EPHA10: variants seen among roughly 807,000 people sequenced by gnomAD.
EPHA10 encodes the protein EPH receptor A10, also known as ephrin type-A receptor 10.
EPHA10 carries 120 observed loss-of-function variants against 109.7 expected under a neutral mutation model. The observed-to-expected ratio is 1.09, with a 90% confidence interval of 0.94 to 1.27. The LOEUF is 1.27. Among genes scored for constraint, EPHA10 ranks in the 50% most tolerant of loss-of-function variants. EPHA10 has a pLI of 0.00. For missense variants in EPHA10, 1,396 were observed against 1,411.1 expected (o/e 0.99, Z 0.17); for synonymous variants, 640 against 618.9 (o/e 1.03, Z -0.51).
chr1:37,738,696 T>A (rs1305591915), intron 5 of EPHA10, among the ~76,000 whole-genome samples: 1 of 152,218 alleles, frequency 6.6e-6, no homozygotes, highest in Non-Finnish European at 1.5e-5. Context: ...GAAGAGATAC[T>A]GCTCACCCAT....
chr1:37,723,361 T>C lies in EPHA10; in HGVS notation c.1784A>G (p.Tyr595Cys). The change falls in exon 9 of 17, where the codon TAT becomes TGT. Residue 595 changes from tyrosine to cysteine, a missense_variant. By Grantham distance (194) the Tyr-to-Cys change is radical. Coordinates refer to ENST00000373048, the MANE Select transcript of EPHA10 (RefSeq NM_001099439.2). ...VLAIWRRPCS[Y>C]GKGGGDAHDE... is the part of the protein sequence containing the mutation. Reference sequence around the variant, plus strand: ...ATGGGCATCCCCTCCTCCTTTGCCATAGCTGCAGGGCCTGGCAGGGAGTTC... The same window carrying C: ...ATGGGCATCCCCTCCTCCTTTGCCACAGCTGCAGGGCCTGGCAGGGAGTTC... 4.3e-6 allele frequency: 7 copies of C among 1,614,170 alleles called. No homozygotes were observed. Among genetic ancestry groups the C allele is most frequent in the Non-Finnish European group, 5.9e-6 (7 of 1,180,012 alleles).
At chr1:37,747,690 C>T (rs1402898207) in intron 5 of EPHA10, among the ~76,000 whole-genome samples, 3 of 151,966 alleles carry the variant, frequency 2.0e-5, no homozygotes, top group African/African-American at 7.3e-5. Flanking sequence ...ATCACTGGAA[C>T]CTGGGAGCCA....
chr1:37,728,610 GAGT>G (rs1224926351), intron 7 of EPHA10, among the ~76,000 whole-genome samples: 1 of 152,168 alleles, frequency 6.6e-6, no homozygotes, highest in Non-Finnish European at 1.5e-5. Context: ...CAGAGTTGGG[GAGT>G]ATTTCTGATG....
At position 37,752,759 on chromosome 1, in the gene EPHA10, G is replaced by C. The variant is rs571090782; in HGVS notation, c.1357+117C>G. On this transcript the variant is annotated intron_variant, in intron 5 of 16. Coordinates refer to ENST00000373048, the MANE Select transcript of EPHA10 (RefSeq NM_001099439.2). Reference sequence around the variant, plus strand: ...GAGAGGGGCGGGGTGCGTGTACAGAGGATGGCTTCTCTGGGGTGGGTGGGT... The same window carrying C: ...GAGAGGGGCGGGGTGCGTGTACAGACGATGGCTTCTCTGGGGTGGGTGGGT... 9.8e-6 allele frequency: 6 copies of C among 614,714 alleles called. No individual in the cohort carries two copies. In the African/African-American group the frequency reaches 1.1e-4, roughly 11 times the overall value. 38.1% of individuals were successfully genotyped at this position (614,714 alleles called of 1,614,324 possible).
At chr1:37,726,888 C>A (rs1419023213) in intron 8 of EPHA10, among the ~76,000 whole-genome samples, 6 of 152,358 alleles carry the variant, frequency 3.9e-5, no homozygotes, top group Non-Finnish European at 8.8e-5. Context: ...CCCCTTCATC[C>A]CAGAGCAGCT....
intron 6 of EPHA10, 50 bp from the exon 7 acceptor site, chr1:37,731,632 T>C (rs1169204768): frequency 6.5e-7 from 1 of 1,532,674 alleles, no homozygotes; most frequent in Non-Finnish European, 8.8e-7. Flanking sequence ...TCCACTGTTC[T>C]AGGAGAACAA....
intron 5 of EPHA10, among the ~76,000 whole-genome samples, chr1:37,745,805 G>A (rs1230440296): frequency 2.6e-5 from 4 of 152,110 alleles, no homozygotes; most frequent in Admixed American, 1.3e-4. Flanking sequence ...AGCTGAGATC[G>A]CACCACTGCA....
At chr1:37,728,081 G>A (rs1645924069) in intron 7 of EPHA10, among the ~76,000 whole-genome samples, 1 of 152,206 alleles carries the variant, frequency 6.6e-6, no homozygotes. Flanking sequence ...AATGAGGAAG[G>A]CTTCACAAAA....
chr1:37,751,871 C>CAAA (rs150137057), intron 5 of EPHA10, among the ~76,000 whole-genome samples: 2 of 127,600 alleles, frequency 1.6e-5, no homozygotes, highest in African/African-American at 5.9e-5. Context: ...GACTCTGTCT[C>CAAA]AAAAAAAAAA....
rs779046797 is a variant in EPHA10, at chr1:37,762,774, T to C, written c.171+11A>G. 1.4e-5 allele frequency: 22 copies of C among 1,550,334 alleles called. No individual in the cohort carries two copies. The African/African-American group carries it at 2.7e-4, about 19-fold the overall frequency. ...GATCCCTGGGACAGGGAGGGACACT[T>C]GTGCACTTACCCCATTACTTGGCAG... On this transcript the variant is annotated intron_variant, in intron 2 of 16. Transcript: ENST00000373048.
At chr1:37,738,102 T>C (rs948551558) in intron 5 of EPHA10, 3 of 152,104 alleles carry the variant, frequency 2.0e-5, no homozygotes, top group African/African-American at 4.8e-5. Flanking sequence ...GCGCGGTGGC[T>C]CTTGCCTGTA....
At chr1:37,752,076 C>T (rs1047496404) in intron 5 of EPHA10, among the ~76,000 whole-genome samples, 8 of 152,132 alleles carry the variant, frequency 5.3e-5, no homozygotes, top group Admixed American at 3.9e-4. Context: ...CAGGCCGACC[C>T]TATAGGCTCG....
intron 6 of EPHA10, among the ~76,000 whole-genome samples, chr1:37,733,103 G>A (rs905973661): frequency 1.4e-4 from 21 of 151,394 alleles, no homozygotes; most frequent in Non-Finnish European, 3.1e-4. Context: ...ATGTTAGCCA[G>A]GCTGGTCTCG....
At position 37,761,257 on chromosome 1, in the gene EPHA10, A is replaced by C. The variant is rs115328945; in HGVS notation, c.850+148T>G. Reference sequence around the variant, plus strand: ...CTGGACTCACTGGAAACTCCACAAGACTTCAGGGCTCTCCTTGGGCTCCAG... The same window carrying C: ...CTGGACTCACTGGAAACTCCACAAGCCTTCAGGGCTCTCCTTGGGCTCCAG... On this transcript the variant is annotated intron_variant, in intron 3 of 16. Transcript: ENST00000373048. 131 of 1,503,310 alleles carry C rather than the reference A, an allele frequency of 8.7e-5. No individual in the cohort carries two copies. In the African/African-American group the frequency reaches 1.8e-3, roughly 21 times the overall value. 93.1% of individuals were successfully genotyped at this position (1,503,310 alleles called of 1,614,324 possible).
intron 3 of EPHA10, among the ~76,000 whole-genome samples, chr1:37,755,637 T>G (rs1646387501): frequency 1.3e-5 from 2 of 152,146 alleles, no homozygotes; most frequent in South Asian, 4.1e-4. Context: ...CTCTGAGCCT[T>G]GTGTTGAATA....
chr1:37,763,639 C>A (rs1304666688), intron 1 of EPHA10, among the ~76,000 whole-genome samples: 1 of 149,032 alleles, frequency 6.7e-6, no homozygotes, highest in Non-Finnish European at 1.5e-5. Flanking sequence ...CTTAGGTTCC[C>A]AAAATTATAG....
In EPHA10 at chr1:37,765,052, G is replaced by A. The variant is rs771191567; in HGVS notation, c.15C>T (p.Ala5=). 2.5e-6 allele frequency: 4 copies of A among 1,603,000 alleles called. No individual in the cohort carries two copies. The highest frequency in any genetic ancestry group is 2.2e-5 in the East Asian group (1 of 44,518). The change falls in exon 1 of 17, where the codon GCC becomes GCT. Residue 5 remains alanine, a synonymous_variant. Transcript: ENST00000373048. ...GGAAGAGGCGCAGCGGGTGTGGACC[G>A]GCGCAGGTCTCCATGGTCCGCAGAC... is the stretch of plus-strand genomic sequence containing the variant. METC[A]GPHPLRLFLC... is the part of the protein sequence containing the mutation.
At chr1:37,746,793 A>G (rs4653327) in intron 5 of EPHA10, among the ~76,000 whole-genome samples, 30,870 of 152,186 alleles carry the variant, frequency 0.2, 3,910 homozygotes, top group Non-Finnish European at 0.27. Context: ...CATAAAAAGG[A>G]ATGAAGTACT....
Position 37,754,169 on chromosome 1 carries a change from C to T in EPHA10, c.1006+46G>A, listed in dbSNP as rs189596340. The T allele has an allele frequency of 5.5e-6, 7 of 1,263,518 alleles. No homozygotes were observed. The highest frequency in any genetic ancestry group is 6.1e-4 in the Middle Eastern group (2 of 3,260). The allele number at this position is 1,263,518 out of a possible 1,614,324, so 78.3% of individuals were successfully genotyped here. ...TGGATCAGGCCTTCCTTCTTGGCCACTCCCACCCCCCACCCTCCGCAGTGC... is the reference window on the plus strand; with the variant it reads ...TGGATCAGGCCTTCCTTCTTGGCCATTCCCACCCCCCACCCTCCGCAGTGC... On this transcript the variant is annotated intron_variant, in intron 4 of 16. Transcript: ENST00000373048. This position sits in a 1 kb window ranked among gnomAD's most constrained non-coding sequence, Gnocchi z 4.5.
Sources: gnomAD v4.1 joint callset for allele counts (sites outside exome capture counted in the v4.1 genomes callset) on GRCh38, gnomAD v4.1.1 for gene constraint, Gnocchi (gnomAD v3.1) non-coding constraint, MANE v1.5 for transcripts, NCBI Gene and HGNC (gene_info 2026-07-23, HGNC 2026-07-21) for gene names.